FGF12: variants seen among roughly 807,000 people sequenced by gnomAD.
FGF12 encodes the protein fibroblast growth factor 12B.
FGF12 carries 14 observed loss-of-function variants against 23.6 expected under a neutral mutation model. The ratio of observed to expected loss-of-function variants is 0.59; its 90% CI spans 0.39 to 0.93. The LOEUF is 0.93. FGF12 is among the 40% of genes least tolerant of loss of function. The pLI is 0.00. For synonymous variants in FGF12, 62 were observed against 77.3 expected, an observed-to-expected ratio of 0.80 and a Z score of 1.04; for missense variants, 175 against 217.8, an observed-to-expected ratio of 0.80 and a Z score of 1.24.
intron 2 of FGF12, among the ~76,000 whole-genome samples, chr3:192,632,468 A>C (rs1178524544): frequency 3.3e-5 from 5 of 152,214 alleles, no homozygotes. Flanking sequence ...TTCAAATGCC[A>C]AGCAGGTAAA....
At chr3:192,391,955 A>G (rs981772982) in intron 2 of FGF12, among the ~76,000 whole-genome samples, 4 of 152,176 alleles carry the variant, frequency 2.6e-5, no homozygotes, top group Non-Finnish European at 5.9e-5. Flanking sequence ...GCAAAGATTT[A>G]TGTTTACTAA....
intron 2 of FGF12, among the ~76,000 whole-genome samples, chr3:192,364,951 C>A (rs1339028012): frequency 6.6e-6 from 1 of 152,080 alleles, no homozygotes; most frequent in Non-Finnish European, 1.5e-5. Context: ...ATAGTATGTT[C>A]TCTTGAGATT....
intron 5 of FGF12, among the ~76,000 whole-genome samples, chr3:192,148,700 C>T (rs1028872362): frequency 5.3e-5 from 8 of 152,076 alleles, no homozygotes; most frequent in Non-Finnish European, 1.2e-4. Flanking sequence ...CTATTAAAGC[C>T]AGAGGTGTTC....
At chr3:192,175,465 G>T (rs928695510) in intron 4 of FGF12, among the ~76,000 whole-genome samples, 9 of 151,634 alleles carry the variant, frequency 5.9e-5, no homozygotes, top group African/African-American at 2.2e-4. Flanking sequence ...GAAATGATAG[G>T]TCTATTTTTC....
At chr3:192,234,047 C>G (rs1424681204) in intron 4 of FGF12, among the ~76,000 whole-genome samples, 7 of 152,036 alleles carry the variant, frequency 4.6e-5, no homozygotes, top group African/African-American at 7.3e-5. Flanking sequence ...TATTCCAGCT[C>G]TTTTTTAGGT....
At chr3:192,588,496 T>A (rs2108620197) in intron 2 of FGF12, among the ~76,000 whole-genome samples, 1 of 151,736 alleles carries the variant, frequency 6.6e-6, no homozygotes, top group Admixed American at 6.6e-5. Context: ...AGCATCTGGA[T>A]AAAAAAATTA....
intron 2 of FGF12, among the ~76,000 whole-genome samples, chr3:192,593,356 C>G (rs1228297601): frequency 1.3e-5 from 2 of 151,814 alleles, no homozygotes; most frequent in African/African-American, 4.8e-5. Context: ...AATAGCAACC[C>G]TATGCCCTCT....
intron 4 of FGF12, among the ~76,000 whole-genome samples, chr3:192,174,499 G>A (rs919402676): frequency 3.3e-5 from 5 of 152,120 alleles, no homozygotes; most frequent in African/African-American, 9.7e-5. Context: ...AGACATTTCC[G>A]GCTGGAAACA....
intron 2 of FGF12, among the ~76,000 whole-genome samples, chr3:192,689,877 A>C (rs1305363559): frequency 2.0e-5 from 3 of 152,100 alleles, no homozygotes. Flanking sequence ...TAAAAAATTA[A>C]GAACTAAGAA....
intron 2 of FGF12, among the ~76,000 whole-genome samples, chr3:192,680,202 C>T (rs536147483): frequency 6.6e-6 from 1 of 152,218 alleles, no homozygotes; most frequent in East Asian, 1.9e-4. Flanking sequence ...TCAGAAAAGT[C>T]TGGAAGTGGA....
intron 4 of FGF12, among the ~76,000 whole-genome samples, chr3:192,328,465 A>G (rs1472037830): frequency 1.3e-5 from 2 of 152,186 alleles, no homozygotes; most frequent in Non-Finnish European, 2.9e-5. Context: ...TGGTACCTGA[A>G]GAGTAACATG....
intron 4 of FGF12, among the ~76,000 whole-genome samples, chr3:192,279,725 A>G (rs1350786570): frequency 6.6e-6 from 1 of 152,180 alleles, no homozygotes; most frequent in Non-Finnish European, 1.5e-5. Flanking sequence ...TTAAAAAGGA[A>G]GGAGGGCAGC....
Position 192,542,153 on chromosome 3 carries a change from G to A in FGF12, c.14-181615C>T, listed in dbSNP as rs189837348. Among the ~76,000 whole-genome samples the A allele has an allele frequency of 3.3e-3, 494 of 149,616 alleles. 4 individuals are homozygous for A. Among genetic ancestry groups the A allele is most frequent in the African/African-American group, 0.012 (472 of 40,658 alleles). On this transcript the variant is annotated intron_variant, in intron 2 of 5. Transcript: ENST00000445105. ...CTCCCAAAGTGCTGGGATTACAGGT[G>A]TGAGCCACCATGCCTGGCCCATTCT...
intron 2 of FGF12, among the ~76,000 whole-genome samples, chr3:192,667,696 C>G (rs1716944560): frequency 6.7e-6 from 1 of 149,924 alleles, no homozygotes; most frequent in African/African-American, 2.5e-5. Context: ...GGGGCAGGCA[C>G]AGTGAAAGAC....
chr3:192,178,313 A>G (rs1029862048), intron 4 of FGF12, among the ~76,000 whole-genome samples: 44 of 152,130 alleles, frequency 2.9e-4, no homozygotes, highest in Non-Finnish European at 1.5e-5. Context: ...AATGGTGGTA[A>G]TATATTATTA....
chr3:192,363,982 T>C (rs187577351), intron 2 of FGF12, among the ~76,000 whole-genome samples: 28 of 152,214 alleles, frequency 1.8e-4, no homozygotes, highest in Non-Finnish European at 1.0e-4. Flanking sequence ...AGCTGATAAA[T>C]AAGGAAGTGA....
chr3:192,655,996 C>T (rs936441715), intron 2 of FGF12, among the ~76,000 whole-genome samples: 4 of 132,876 alleles, frequency 3.0e-5, no homozygotes, highest in Admixed American at 2.5e-4. Flanking sequence ...AGAAAAGAAA[C>T]GTTACATGCC....
At chr3:192,493,969 C>G (rs532039985) in intron 2 of FGF12, among the ~76,000 whole-genome samples, 2 of 152,272 alleles carry the variant, frequency 1.3e-5, no homozygotes, top group South Asian at 2.1e-4. Flanking sequence ...ATACCAAGGA[C>G]ACAGTTCTGA....
intron 2 of FGF12, among the ~76,000 whole-genome samples, chr3:192,575,814 C>G (rs554281399): frequency 6.6e-6 from 1 of 151,904 alleles, no homozygotes; most frequent in East Asian, 1.9e-4. Flanking sequence ...TGTTGAGAAG[C>G]TTTAAACTGA....
Sources: gnomAD v4.1 joint callset for allele counts (sites outside exome capture counted in the v4.1 genomes callset) on GRCh38, gnomAD v4.1.1 for gene constraint, MANE v1.5 for transcripts, NCBI Gene and HGNC (gene_info 2026-07-23, HGNC 2026-07-21) for gene names.